MPHOSPH8: variants seen among roughly 807,000 people sequenced by gnomAD.
MPHOSPH8 encodes the protein M-phase phosphoprotein 8.
In MPHOSPH8, 45 loss-of-function variants were observed where a neutral mutation model predicts 87.3. The ratio of observed to expected loss-of-function variants is 0.52; its 90% CI spans 0.41 to 0.66. The LOEUF is 0.66. MPHOSPH8 is among the 30% of genes least tolerant of loss of function. The pLI, the probability that MPHOSPH8 is intolerant of heterozygous loss-of-function variation, is 0.00. For missense variants in MPHOSPH8, 883 were observed against 1,020.2 expected (o/e 0.87, Z 1.83); for synonymous variants, 366 against 376.9 (o/e 0.97, Z 0.33).
At chr13:19,666,688 G>A in intron 10 of MPHOSPH8, 109 bp downstream of exon 10, 1 of 944,852 alleles carries the variant, frequency 1.1e-6, no homozygotes, top group Admixed American at 2.6e-5. Context: ...AAAACATCCA[G>A]CACAAGTCCT....
intron 7 of MPHOSPH8, among the ~76,000 whole-genome samples, chr13:19,660,488 A>T (rs1027060432): frequency 1.3e-5 from 2 of 152,112 alleles, no homozygotes; most frequent in South Asian, 4.2e-4. Context: ...ATCCTTTGGG[A>T]TTACAATTCA....
At chr13:19,649,904 GA>G (rs1874750830) in intron 4 of MPHOSPH8, 98 bp from the exon 5 acceptor site, 1 of 1,093,900 alleles carries the variant, frequency 9.1e-7, no homozygotes, top group Non-Finnish European at 1.3e-6. Flanking sequence ...TAAAAATTAA[GA>G]AAATATCTTG....
chr13:19,656,682 C>T (rs1422616541), intron 5 of MPHOSPH8, among the ~76,000 whole-genome samples: 1 of 151,838 alleles, frequency 6.6e-6, no homozygotes, highest in African/African-American at 2.4e-5. Flanking sequence ...ATCGCTTCAA[C>T]CGGGAAGGCG....
At chr13:19,656,818 G>T (rs1875206160) in intron 5 of MPHOSPH8, among the ~76,000 whole-genome samples, 2 of 151,656 alleles carry the variant, frequency 1.3e-5, no homozygotes, top group South Asian at 4.2e-4. Context: ...AGATTTAAAA[G>T]ATTGCTTAGA....
chr13:19,671,035 G>T lies in MPHOSPH8; in HGVS notation c.2458-171G>T, dbSNP rs904112247. On this transcript the variant is annotated intron_variant, in intron 12 of 13. Coordinates refer to ENST00000361479, the MANE Select transcript of MPHOSPH8 (RefSeq NM_017520.4). ...GGGGTTTCACCATGTTGGCCAGGCT[G>T]GTCTCAAACTTCTGGGCTCAAGCGA... 2.3e-4 allele frequency: 316 copies of T among 1,379,168 alleles called. 4 individuals are homozygous for T. The highest frequency in any genetic ancestry group is 2.3e-4 in the Non-Finnish European group (243 of 1,048,474). The allele number at this position is 1,379,168 out of a possible 1,614,324, so 85.4% of individuals were successfully genotyped here.
At chr13:19,639,201 A>G (rs1221969616) in intron 1 of MPHOSPH8, among the ~76,000 whole-genome samples, 2 of 151,882 alleles carry the variant, frequency 1.3e-5, no homozygotes, top group Admixed American at 1.3e-4. Flanking sequence ...TTGGCTAGTC[A>G]CCCATCTGGA....
At position 19,659,067 on chromosome 13, in the gene MPHOSPH8, AGCACC is replaced by A. The variant is rs767266209; in HGVS notation, c.1650_1654del (p.Lys550AsnfsTer2). The A allele has an allele frequency of 6.2e-7, 1 of 1,614,218 alleles. No homozygotes were observed. The highest frequency in any genetic ancestry group is 1.7e-5 in the Admixed American group (1 of 60,022). On this transcript the variant is annotated frameshift_variant, in exon 6 of 14. Transcript: ENST00000361479. LOFTEE classifies it high-confidence loss of function. The stretch of plus-strand genomic sequence containing the variant: ...TGGATGAAGTTGGAAGATTTCCAAA[AGCACC>A]TTGATGGGAAAGATGAGAATTTTGC...
chr13:19,671,992 G>C lies in MPHOSPH8; in HGVS notation c.*117G>C, dbSNP rs1487523514. 2.0e-6 allele frequency: 2 copies of C among 1,021,112 alleles called. No homozygotes were observed. Among genetic ancestry groups the C allele is most frequent in the African/African-American group, 3.2e-5 (2 of 62,820 alleles). The allele number at this position is 1,021,112 out of a possible 1,614,324, so 63.3% of individuals were successfully genotyped here. ...AAGTTTTGTCTGTAAACCTCTTGCA[G>C]TTAAGCCTGTTGTCTGTTGTAGTCT... On this transcript the variant is annotated 3_prime_UTR_variant, in exon 14 of 14. Transcript: ENST00000361479.
rs899886126 is a variant in MPHOSPH8 at position 19,672,793 on chromosome 13, AAGAG to A, written c.*921_*924del. 7.9e-6 allele frequency: 2 copies of A among 252,976 alleles called. No homozygotes were observed. The highest frequency in any genetic ancestry group is 4.6e-5 in the Admixed American group (1 of 21,706). The allele number at this position is 252,976 out of a possible 1,614,324, so 15.7% of individuals were successfully genotyped here. ...TAAACCAGTACACTATGAGACCTAA[AAGAG>A]AGTATTAAATGTGAACTTTTAGCAG... On this transcript the variant is annotated 3_prime_UTR_variant, in exon 14 of 14. Coordinates refer to ENST00000361479, the MANE Select transcript of MPHOSPH8 (RefSeq NM_017520.4).
In MPHOSPH8 at chr13:19,645,226, G is replaced by A. The variant is rs138482305; in HGVS notation, c.370-1217G>A. On this transcript the variant is annotated intron_variant, in intron 2 of 13. Transcript: ENST00000361479. ...TGGGCTTTTCCAGATTGTTGCCTTC[G>A]CTTCCCCTGAGTGACCATCCACACC... is the stretch of plus-strand genomic sequence containing the variant. Among the ~76,000 whole-genome samples the A allele has an allele frequency of 8.6e-4, 131 of 152,236 alleles. 1 individual carries two copies. Among genetic ancestry groups the A allele is most frequent in the Admixed American group, 1.5e-3 (23 of 15,292 alleles).
intron 10 of MPHOSPH8, among the ~76,000 whole-genome samples, chr13:19,667,624 T>G (rs1040108669): frequency 6.6e-6 from 1 of 152,166 alleles, no homozygotes; most frequent in Non-Finnish European, 1.5e-5. Context: ...TCTTTGCAGG[T>G]TGGCCTCTTT....
intron 9 of MPHOSPH8, 76 bp downstream of exon 9, chr13:19,663,202 C>A: frequency 7.8e-7 from 1 of 1,284,414 alleles, no homozygotes; most frequent in Non-Finnish European, 1.1e-6. Flanking sequence ...CACTGCCAGG[C>A]ACTGTGCTGG....
chr13:19,653,062 C>T (rs1056542539), intron 5 of MPHOSPH8, among the ~76,000 whole-genome samples: 3 of 152,226 alleles, frequency 2.0e-5, no homozygotes, highest in African/African-American at 7.2e-5. Flanking sequence ...GATCTCCCAG[C>T]ACAGCATTTG....
intron 2 of MPHOSPH8, among the ~76,000 whole-genome samples, chr13:19,643,890 G>A (rs1025775430): frequency 3.3e-5 from 5 of 151,994 alleles, no homozygotes; most frequent in African/African-American, 7.3e-5. Context: ...AGAGACCTAC[G>A]TGTTCTCCCT....
At chr13:19,669,033 G>A (rs1248338326) in intron 11 of MPHOSPH8, among the ~76,000 whole-genome samples, 2 of 152,180 alleles carry the variant, frequency 1.3e-5, no homozygotes, top group Non-Finnish European at 2.9e-5. Flanking sequence ...CCGAGGGGAG[G>A]AAGCCGGGCT....
rs1368011112 is a variant in MPHOSPH8, at chr13:19,672,849, C to G, written c.*974C>G. ...GCGTGGTGGCTCACACCTATAATCC[C>G]AGCGCTTTGGAGGCTGAGGTTGGAG... On this transcript the variant is annotated 3_prime_UTR_variant, in exon 14 of 14. Transcript: ENST00000361479. 1 of 335,524 alleles carries G rather than the reference C, an allele frequency of 3.0e-6. No individual in the cohort carries two copies. Among genetic ancestry groups the G allele is most frequent in the East Asian group, 7.4e-5 (1 of 13,520 alleles). 20.8% of individuals were successfully genotyped at this position (335,524 alleles called of 1,614,324 possible).
intron 5 of MPHOSPH8, among the ~76,000 whole-genome samples, chr13:19,655,909 T>C (rs1225842343): frequency 6.6e-6 from 1 of 152,168 alleles, no homozygotes; most frequent in East Asian, 1.9e-4. Flanking sequence ...CTCAGAAGTT[T>C]TGAGACCAGC....
chr13:19,669,497 T>C (rs574619459), intron 11 of MPHOSPH8, among the ~76,000 whole-genome samples: 1 of 146,414 alleles, frequency 6.8e-6, no homozygotes, highest in East Asian at 2.1e-4. Flanking sequence ...ATGTGTACAA[T>C]GTCTGCATCC....
chr13:19,669,243 A>G (rs1875986903), intron 11 of MPHOSPH8, among the ~76,000 whole-genome samples: 1 of 152,124 alleles, frequency 6.6e-6, no homozygotes, highest in African/African-American at 2.4e-5. Flanking sequence ...AGTGCATGGC[A>G]TGATCTTGGC....
Sources: allele counts gnomAD v4.1 joint callset (sites outside exome capture counted in the v4.1 genomes callset), GRCh38; gene constraint gnomAD v4.1.1; transcripts MANE v1.5; gene names NCBI Gene and HGNC (gene_info 2026-07-23, HGNC 2026-07-21).